Variants in ESRRG observed in about 807,000 individuals in gnomAD.
ESRRG encodes the protein estrogen related receptor gamma, also known as estrogen-related receptor gamma.
A neutral mutation model predicts 44.0 loss-of-function variants in ESRRG; 13 were observed. The observed-to-expected ratio is 0.30, with a 90% confidence interval of 0.19 to 0.47. The LOEUF (loss-of-function observed/expected upper bound fraction) is 0.47. Among genes scored for constraint, ESRRG ranks in the 20% least tolerant of loss-of-function variants. ESRRG has a pLI of 1.00. For missense variants in ESRRG, 395 were observed against 580.6 expected, an observed-to-expected ratio of 0.68 and a Z score of 3.29; for synonymous variants, 215 against 214.6, an observed-to-expected ratio of 1.00 and a Z score of -0.02.
At chr1:216,746,179 G>A (rs1179542464) in intron 2 of ESRRG, among the ~76,000 whole-genome samples, 2 of 152,250 alleles carry the variant, frequency 1.3e-5, no homozygotes, top group Non-Finnish European at 2.9e-5. Flanking sequence ...TAAAAAGAAG[G>A]AAATGAAGCT....
intron 2 of ESRRG, among the ~76,000 whole-genome samples, chr1:216,777,759 A>G (rs1331112011): frequency 6.6e-6 from 1 of 152,134 alleles, no homozygotes; most frequent in African/African-American, 2.4e-5. Context: ...TTATACACAC[A>G]CATAACACAT....
At chr1:217,104,984 T>C (rs1045459307) in intron 1 of ESRRG, among the ~76,000 whole-genome samples, 2 of 152,170 alleles carry the variant, frequency 1.3e-5, no homozygotes, top group Non-Finnish European at 2.9e-5. Context: ...TCATGTTCTG[T>C]GTGAATTCAG....
At chr1:216,792,770 T>A (rs190435242) in intron 2 of ESRRG, among the ~76,000 whole-genome samples, 1 of 152,306 alleles carries the variant, frequency 6.6e-6, no homozygotes, top group East Asian at 1.9e-4. Flanking sequence ...CTGCATGAAA[T>A]GTAGTGGCAC....
intron 3 of ESRRG, among the ~76,000 whole-genome samples, chr1:216,579,293 G>A (rs745556988): frequency 2.0e-5 from 3 of 152,052 alleles, no homozygotes; most frequent in Non-Finnish European, 4.4e-5. Flanking sequence ...TCTTAATATG[G>A]ATCCACTCCA....
In ESRRG at chr1:216,933,976, C is replaced by T. The variant is rs918420639; in HGVS notation, c.-14+5606G>A. ...AGCACCCCACTGGCCCGTTCCTTGC[C>T]CGATTCTGTTAGCAATTTTGAAGAA... is the stretch of plus-strand genomic sequence containing the variant. On this transcript the variant is annotated intron_variant, in intron 2 of 7. Transcript: ENST00000359162. 5.3e-5 allele frequency among the ~76,000 whole-genome samples: 8 copies of T among 152,248 alleles called. No homozygotes were observed. The South Asian group carries it at 1.7e-3, about 32-fold the overall frequency.
intron 2 of ESRRG, among the ~76,000 whole-genome samples, chr1:216,813,475 C>A (rs534726741): frequency 6.6e-6 from 1 of 152,094 alleles, no homozygotes; most frequent in Admixed American, 6.6e-5. Context: ...CAGAGGATAT[C>A]GAATCTGTAT....
chr1:217,133,672 T>TTTCTTTCTTTCTTTCTTTC (rs1455375273), intron 1 of ESRRG, among the ~76,000 whole-genome samples: 20 of 151,312 alleles, frequency 1.3e-4, no homozygotes, highest in Admixed American at 3.3e-4. Context: ...TCTTTCTTTC[T>TTTCTTTCTTTCTTTCTTTC]TTCTTTCTTT....
intron 1 of ESRRG, among the ~76,000 whole-genome samples, chr1:216,962,547 C>A (rs957561291): frequency 1.4e-5 from 2 of 140,212 alleles, no homozygotes; most frequent in African/African-American, 5.0e-5. Flanking sequence ...TGTGTTTCCA[C>A]AAGTAGGAAT....
intron 2 of ESRRG, among the ~76,000 whole-genome samples, chr1:216,768,445 T>C (rs2093199227): frequency 6.8e-6 from 1 of 146,666 alleles, no homozygotes; most frequent in African/African-American, 2.5e-5. Context: ...TAGATCTATC[T>C]ATCATTATCT....
intron 5 of ESRRG, among the ~76,000 whole-genome samples, chr1:216,526,447 T>C (rs60810068): frequency 0.016 from 2,367 of 152,146 alleles, 54 homozygotes; most frequent in African/African-American, 0.054. Flanking sequence ...AGCCAAGGGA[T>C]GCTTGAGGCC....
At chr1:216,780,116 G>T (rs945716616) in intron 2 of ESRRG, among the ~76,000 whole-genome samples, 4 of 151,670 alleles carry the variant, frequency 2.6e-5, no homozygotes, top group Non-Finnish European at 4.4e-5. Flanking sequence ...GAGGGCTCAT[G>T]CAAAGAAATT....
chr1:216,995,948 C>A (rs368758181), intron 1 of ESRRG, among the ~76,000 whole-genome samples: 168 of 152,226 alleles, frequency 1.1e-3, no homozygotes, highest in African/African-American at 3.9e-3. Flanking sequence ...GAAGAGTGAG[C>A]TGTAATCTCC....
intron 1 of ESRRG, among the ~76,000 whole-genome samples, chr1:216,958,153 A>G (rs2068327621): frequency 6.6e-6 from 1 of 152,196 alleles, no homozygotes; most frequent in Admixed American, 6.5e-5. Flanking sequence ...CATTGTATAA[A>G]TATCCCCTAA....
At chr1:217,017,993 G>T (rs1315853943) in intron 1 of ESRRG, among the ~76,000 whole-genome samples, 1 of 152,160 alleles carries the variant, frequency 6.6e-6, no homozygotes, top group Non-Finnish European at 1.5e-5. Context: ...TGCCAAATAA[G>T]TTTTGTGGCC....
At chr1:216,654,629 CAAA>C (rs35748361) in intron 2 of ESRRG, among the ~76,000 whole-genome samples, 4 of 94,162 alleles carry the variant, frequency 4.2e-5, no homozygotes, top group Non-Finnish European at 8.1e-5. Context: ...AACTCTGTTT[CAAA>C]AAAAAAAAAA....
intron 2 of ESRRG, among the ~76,000 whole-genome samples, chr1:216,890,367 T>A (rs986167746): frequency 1.3e-5 from 2 of 152,196 alleles, no homozygotes; most frequent in Non-Finnish European, 2.9e-5. Context: ...TATCATTTTG[T>A]CCTTATGAAT....
chr1:216,955,289 G>T (rs2067742810), intron 1 of ESRRG, among the ~76,000 whole-genome samples: 1 of 151,952 alleles, frequency 6.6e-6, no homozygotes, highest in Non-Finnish European at 1.5e-5. Context: ...GAACATCCAG[G>T]GTATTTCTTT....
At chr1:216,744,415 T>G (rs536236558) in intron 2 of ESRRG, among the ~76,000 whole-genome samples, 1 of 152,070 alleles carries the variant, frequency 6.6e-6, no homozygotes, top group South Asian at 2.1e-4. Context: ...GGTAACTCAT[T>G]CGATGTTTTA....
In ESRRG at chr1:216,526,919, T is replaced by C. The variant is rs2047835022; in HGVS notation, c.863-7498A>G. ...GTTTCTGCTTTCTCATCTGTAAAAC[T>C]AGAAGGTAGAAAAAGTATTCCTGAA... On this transcript the variant is annotated intron_variant, in intron 5 of 6. Coordinates refer to ENST00000408911, the MANE Select transcript of ESRRG (RefSeq NM_001438.4). 2.0e-5 allele frequency among the ~76,000 whole-genome samples: 3 copies of C among 152,134 alleles called. No individual in the cohort carries two copies. In the South Asian group the frequency reaches 6.2e-4, roughly 31 times the overall value.
Sources: gnomAD v4.1 joint callset for allele counts (sites outside exome capture counted in the v4.1 genomes callset) on GRCh38, gnomAD v4.1.1 for gene constraint, MANE v1.5 for transcripts, NCBI Gene and HGNC (gene_info 2026-07-23, HGNC 2026-07-21) for gene names.